Variants in CACYBP observed in about 807,000 individuals in gnomAD.
CACYBP encodes calcyclin binding protein.
A neutral mutation model predicts 29.6 loss-of-function variants in CACYBP; 11 were observed. The ratio of observed to expected loss-of-function variants is 0.37; its 90% CI spans 0.23 to 0.61. The LOEUF (loss-of-function observed/expected upper bound fraction) is 0.61, where lower values mean the gene tolerates loss of function less well. Ranked by LOEUF, CACYBP falls within the 20% of genes least tolerant of loss-of-function variation. The pLI is 0.65. For missense variants in CACYBP, 163 were observed against 260.7 expected, an observed-to-expected ratio of 0.63 and a Z score of 2.58; for synonymous variants, 73 against 88.3, an observed-to-expected ratio of 0.83 and a Z score of 0.97.
chr1:175,001,518 C>T (rs565170785), intron 1 of CACYBP, among the ~76,000 whole-genome samples: 1 of 152,294 alleles, frequency 6.6e-6, no homozygotes, highest in Non-Finnish European at 1.5e-5. Flanking sequence ...GACAACTACT[C>T]ATCTTGTACT....
chr1:175,003,118 AT>A (rs11288938), intron 1 of CACYBP, among the ~76,000 whole-genome samples: 19,886 of 141,700 alleles, frequency 0.14, 4,285 homozygotes, highest in African/African-American at 0.47. Context: ...GGCAGAGTTG[AT>A]TTTTTTTTTT....
Position 175,000,685 on chromosome 1 carries a change from A to T in CACYBP, c.15+490A>T, listed in dbSNP as rs1672455105. The T allele has an allele frequency of 4.6e-6, 4 of 863,052 alleles. No individual in the cohort carries two copies. The South Asian group carries it at 1.5e-4, about 33-fold the overall frequency. 53.5% of individuals were successfully genotyped at this position (863,052 alleles called of 1,614,324 possible). A position where few individuals can be genotyped will look rare whatever the true frequency, so the allele number is the denominator to read the frequency against. On this transcript the variant is annotated intron_variant, in intron 1 of 5. Coordinates refer to ENST00000367679, the MANE Select transcript of CACYBP (RefSeq NM_014412.3). Reference sequence around the variant, plus strand: ...CTGTGTTACTCTGGGCAAGTTGTTTAGCTTCTCTGTGTCGCAGTAGCATCC... The same window carrying T: ...CTGTGTTACTCTGGGCAAGTTGTTTTGCTTCTCTGTGTCGCAGTAGCATCC...
At chr1:175,004,028 T>C (rs1379280500) in intron 1 of CACYBP, among the ~76,000 whole-genome samples, 2 of 152,192 alleles carry the variant, frequency 1.3e-5, no homozygotes, top group African/African-American at 2.4e-5. Context: ...AGAGCAAGAC[T>C]TTTCCTCAAA....
intron 1 of CACYBP, among the ~76,000 whole-genome samples, chr1:175,004,179 C>A (rs1672559449): frequency 6.6e-6 from 1 of 152,062 alleles, no homozygotes; most frequent in African/African-American, 2.4e-5. Context: ...GCTATAAAAG[C>A]ATTTTACCAT....
intron 1 of CACYBP, among the ~76,000 whole-genome samples, chr1:175,003,050 T>G (rs150254304): frequency 1.0e-3 from 158 of 152,262 alleles, no homozygotes; most frequent in African/African-American, 3.5e-3. Context: ...TGCAAGATTT[T>G]TTGTCATAGT....
intron 1 of CACYBP, among the ~76,000 whole-genome samples, chr1:175,003,273 C>T (rs1342191942): frequency 6.6e-6 from 1 of 152,098 alleles, no homozygotes; most frequent in African/African-American, 2.4e-5. Flanking sequence ...CACGTGCCAC[C>T]ACACCCGGCA....
upstream of CACYBP, chr1:174,999,914 G>A (rs1672417922): frequency 5.5e-6 from 3 of 541,174 alleles, no homozygotes; most frequent in Admixed American, 1.1e-4. Flanking sequence ...GCTAGGCTCG[G>A]CGAGGCGAGG....
chr1:175,000,313 G>C, intron 1 of CACYBP, 118 bp downstream of exon 1: 1 of 1,497,060 alleles, frequency 6.7e-7, no homozygotes, highest in Non-Finnish European at 8.9e-7. Context: ...TCCCGCGCCA[G>C]TCAGTGCGCC....
At chr1:175,004,567 C>A in intron 1 of CACYBP, 47 bp from the exon 2 acceptor site, 2 of 1,152,390 alleles carry the variant, frequency 1.7e-6, no homozygotes, top group Non-Finnish European at 2.5e-6. Flanking sequence ...CAATATCAAG[C>A]CATTTCCTTA....
chr1:175,006,855 A>G lies in CACYBP; in HGVS notation c.332+14A>G. On this transcript the variant is annotated intron_variant, in intron 3 of 5. Coordinates refer to ENST00000367679, the MANE Select transcript of CACYBP (RefSeq NM_014412.3). ...TTTCACAGAGAGGTGAGTTCTCATT[A>G]TAATGGGAAAGACAGTGAATTAACA... 2 of 1,380,000 alleles carry G rather than the reference A, an allele frequency of 1.4e-6. No homozygotes were observed. The highest frequency in any genetic ancestry group is 2.3e-5 in the East Asian group (1 of 43,774). 85.5% of individuals were successfully genotyped at this position (1,380,000 alleles called of 1,614,324 possible).
intron 2 of CACYBP, 45 bp from the exon 3 acceptor site, chr1:175,006,700 G>A (rs1395237036): frequency 2.1e-6 from 2 of 969,648 alleles, no homozygotes; most frequent in Non-Finnish European, 3.3e-6. Context: ...TCTAAAGATA[G>A]TTTCAGAGGC....
rs1672745007 is a variant in CACYBP at position 175,011,184 on chromosome 1, A to C, written c.*1105A>C. ...GTAAACTAAACTAAAGCTACAATTA[A>C]TATGGGAATTTGGAAGAAGTGGTAG... On this transcript the variant is annotated 3_prime_UTR_variant, in exon 6 of 6. Coordinates refer to ENST00000367679, the MANE Select transcript of CACYBP (RefSeq NM_014412.3). The C allele has an allele frequency of 6.6e-6, 1 of 151,964 alleles. No individual in the cohort carries two copies. Among genetic ancestry groups the C allele is most frequent in the South Asian group, 2.1e-4 (1 of 4,828 alleles). 9.4% of individuals were successfully genotyped at this position (151,964 alleles called of 1,614,324 possible). A position where few individuals can be genotyped will look rare whatever the true frequency, so the allele number is the denominator to read the frequency against.
At chr1:175,001,472 T>G (rs1672488169) in intron 1 of CACYBP, among the ~76,000 whole-genome samples, 1 of 152,226 alleles carries the variant, frequency 6.6e-6, no homozygotes, top group Non-Finnish European at 1.5e-5. Context: ...TGTAGTGTGT[T>G]TTAAACAATT....
Position 175,011,353 on chromosome 1 carries a change from G to C in CACYBP, c.*1274G>C, listed in dbSNP as rs1672751518. On this transcript the variant is annotated 3_prime_UTR_variant, in exon 6 of 6. Transcript: ENST00000367679. ...AGTTACAGAATATGGTAAAAGTGGG[G>C]TAAAGATGGGTTTTTAATGATACTA... is the stretch of plus-strand genomic sequence containing the variant. 1 of 152,078 alleles carries C rather than the reference G, an allele frequency of 6.6e-6. No homozygotes were observed. The highest frequency in any genetic ancestry group is 1.5e-5 in the Non-Finnish European group (1 of 68,018). The allele number at this position is 152,078 out of a possible 1,614,324, so 9.4% of individuals were successfully genotyped here.
chr1:175,005,443 T>C (rs1277789425), intron 2 of CACYBP, among the ~76,000 whole-genome samples: 2 of 152,332 alleles, frequency 1.3e-5, no homozygotes, highest in East Asian at 3.9e-4. Context: ...TTTTTCTTTG[T>C]GCTAATAATG....
At chr1:175,006,210 G>A (rs1036054556) in intron 2 of CACYBP, among the ~76,000 whole-genome samples, 2 of 152,170 alleles carry the variant, frequency 1.3e-5, no homozygotes, top group Non-Finnish European at 2.9e-5. Context: ...GCATTTAACA[G>A]ATACCAGTAG....
chr1:175,001,977 A>G (rs1395282075), intron 1 of CACYBP, among the ~76,000 whole-genome samples: 1 of 152,140 alleles, frequency 6.6e-6, no homozygotes, highest in East Asian at 1.9e-4. Context: ...CCTGATCTCA[A>G]GTGATCCGCC....
intron 3 of CACYBP, 80 bp from the exon 4 acceptor site, chr1:175,007,018 G>C: frequency 1.9e-6 from 2 of 1,047,338 alleles, no homozygotes; most frequent in South Asian, 2.9e-5. Context: ...AAAGCCAGCA[G>C]CTTTTTTCCC....
At position 175,000,212 on chromosome 1, in the gene CACYBP, C is replaced by T; in HGVS notation, c.15+17C>T. The T allele has an allele frequency of 3.7e-6, 6 of 1,602,866 alleles. No homozygotes were observed. Among genetic ancestry groups the T allele is most frequent in the South Asian group, 1.1e-5 (1 of 89,454 alleles). The stretch of plus-strand genomic sequence containing the variant: ...TCAGAAGAGGTAAGTGGTCCGGCCC[C>T]ATATTCCTTATGCCCCCCGGCTGGA... On this transcript the variant is annotated intron_variant, in intron 1 of 5. Transcript: ENST00000367679.
Sources: gnomAD v4.1 joint callset for allele counts (sites outside exome capture counted in the v4.1 genomes callset) on GRCh38, gnomAD v4.1.1 for gene constraint, MANE v1.5 for transcripts, NCBI Gene and HGNC (gene_info 2026-07-23, HGNC 2026-07-21) for gene names.